The following GPC6 variants were observed in gnomAD, a reference collection of about 807,000 sequenced individuals.
GPC6 encodes glypican-6.
GPC6 carries 14 observed loss-of-function variants against 55.2 expected under a neutral mutation model. The ratio of observed to expected loss-of-function variants is 0.25; its 90% CI spans 0.17 to 0.40. The LOEUF (loss-of-function observed/expected upper bound fraction) is 0.40, where lower values mean the gene tolerates loss of function less well. GPC6 is among the 10% of genes least tolerant of loss of function. GPC6 has a pLI of 1.00. For missense variants in GPC6, 641 were observed against 708.5 expected (o/e 0.90, Z 1.08); for synonymous variants, 278 against 259.6 (o/e 1.07, Z -0.68).
At chr13:93,336,512 T>C (rs963729049) in intron 1 of GPC6, among the ~76,000 whole-genome samples, 1 of 152,170 alleles carries the variant, frequency 6.6e-6, no homozygotes, top group African/African-American at 2.4e-5. Flanking sequence ...GCAGGGTGCT[T>C]TTATCCATTC....
At position 93,819,263 on chromosome 13, in the gene GPC6, A is replaced by G. The variant is rs574996037; in HGVS notation, c.320-10891A>G. On this transcript the variant is annotated intron_variant, in intron 2 of 8. Transcript: ENST00000377047. ...AAAACTAGCTTTGGGTCCACATCCC[A>G]GATTTGATCCTTGGTGGTTTGTTCT... Among the ~76,000 whole-genome samples the G allele has an allele frequency of 7.9e-5, 12 of 152,300 alleles. No homozygotes were observed. In the South Asian group the frequency reaches 2.5e-3, roughly 32 times the overall value.
intron 4 of GPC6, among the ~76,000 whole-genome samples, chr13:94,207,199 C>G (rs912759448): frequency 2.6e-5 from 4 of 152,138 alleles, no homozygotes; most frequent in African/African-American, 9.7e-5. Flanking sequence ...GTGGCCCTGT[C>G]TGAGATACCT....
chr13:93,492,391 A>G (rs1430559501), intron 1 of GPC6, among the ~76,000 whole-genome samples: 5 of 147,358 alleles, frequency 3.4e-5, no homozygotes, highest in East Asian at 4.0e-4. Flanking sequence ...GACTTTGCTG[A>G]AGTTGCTTAT....
chr13:93,780,948 T>G (rs1885623283), intron 2 of GPC6, among the ~76,000 whole-genome samples: 1 of 152,160 alleles, frequency 6.6e-6, no homozygotes, highest in African/African-American at 2.4e-5. Flanking sequence ...ATAAAATGTT[T>G]AAGCCCCTAT....
intron 2 of GPC6, among the ~76,000 whole-genome samples, chr13:93,763,949 G>T (rs980160386): frequency 1.3e-5 from 2 of 151,908 alleles, no homozygotes; most frequent in Non-Finnish European, 2.9e-5. Flanking sequence ...AGGAAACACT[G>T]TCTATACCCT....
chr13:94,402,058 G>A (rs1435158863), intron 8 of GPC6, among the ~76,000 whole-genome samples: 1 of 152,182 alleles, frequency 6.6e-6, no homozygotes, highest in Admixed American at 6.5e-5. Flanking sequence ...GCAAGCAGCA[G>A]GTCATAGTTT....
intron 1 of GPC6, chr13:93,450,777 T>C (rs1417998407): frequency 1.2e-6 from 1 of 800,756 alleles, no homozygotes; most frequent in Non-Finnish European, 1.5e-6. Flanking sequence ...AATAGTTTAT[T>C]TATGAAAGAT....
intron 3 of GPC6, among the ~76,000 whole-genome samples, chr13:93,875,187 G>T (rs1889252473): frequency 6.6e-6 from 1 of 151,760 alleles, no homozygotes; most frequent in Admixed American, 6.6e-5. Context: ...TTGCATATGG[G>T]GCCTCAATTT....
intron 2 of GPC6, among the ~76,000 whole-genome samples, chr13:93,627,879 C>G (rs752450932): frequency 3.6e-4 from 55 of 152,260 alleles, no homozygotes; most frequent in Non-Finnish European, 6.8e-4. Context: ...AAAAGACATA[C>G]TTTTATTAGA....
chr13:93,456,280 G>A (rs1176367486), intron 1 of GPC6, among the ~76,000 whole-genome samples: 1 of 152,110 alleles, frequency 6.6e-6, no homozygotes, highest in Non-Finnish European at 1.5e-5. Context: ...CTCCGAGAAA[G>A]TTGAATGAAC....
At chr13:94,085,321 C>CAAAAAA (rs33967804) in intron 4 of GPC6, among the ~76,000 whole-genome samples, 59 of 87,020 alleles carry the variant, frequency 6.8e-4, no homozygotes, top group East Asian at 2.0e-3. Context: ...GATTCTGTCT[C>CAAAAAA]AAAAAAAAAA....
intron 1 of GPC6, among the ~76,000 whole-genome samples, chr13:93,426,065 T>C (rs1007167256): frequency 2.0e-5 from 3 of 152,206 alleles, no homozygotes; most frequent in Non-Finnish European, 4.4e-5. Flanking sequence ...GAGCCCATTG[T>C]ACTGATATAT....
At chr13:93,250,464 G>T (rs1156442337) in intron 1 of GPC6, among the ~76,000 whole-genome samples, 1 of 152,124 alleles carries the variant, frequency 6.6e-6, no homozygotes, top group Non-Finnish European at 1.5e-5. Context: ...CCCTCACATT[G>T]GCCTTTCTGG....
chr13:93,262,008 G>A (rs181456550), intron 1 of GPC6, among the ~76,000 whole-genome samples: 4 of 151,892 alleles, frequency 2.6e-5, no homozygotes, highest in Non-Finnish European at 1.5e-5. Context: ...AGTCATTTAT[G>A]AGAGTGCTGA....
At chr13:93,285,642 G>GTGTA (rs1566279933) in intron 1 of GPC6, among the ~76,000 whole-genome samples, 2 of 150,796 alleles carry the variant, frequency 1.3e-5, no homozygotes, top group African/African-American at 2.4e-5. Flanking sequence ...GTGTGTGTGT[G>GTGTA]TGTGTGTGTG....
chr13:94,327,638 T>C (rs534656610), intron 6 of GPC6, among the ~76,000 whole-genome samples: 51 of 152,326 alleles, frequency 3.3e-4, no homozygotes, highest in Non-Finnish European at 6.3e-4. Context: ...GTTTCACTTT[T>C]ACAGTAACAC....
intron 4 of GPC6, among the ~76,000 whole-genome samples, chr13:94,063,273 G>A (rs1045896777): frequency 6.6e-6 from 1 of 152,200 alleles, no homozygotes; most frequent in Non-Finnish European, 1.5e-5. Flanking sequence ...GCCTGAGGAA[G>A]TAGATTTTGC....
intron 1 of GPC6, among the ~76,000 whole-genome samples, chr13:93,466,070 A>T (rs183357931): frequency 6.1e-4 from 93 of 152,310 alleles, no homozygotes; most frequent in African/African-American, 2.1e-3. Context: ...AGATCACCAT[A>T]ACAAATACAG....
chr13:94,227,981 T>C (rs958763279), intron 4 of GPC6, among the ~76,000 whole-genome samples: 16 of 152,170 alleles, frequency 1.1e-4, no homozygotes, highest in African/African-American at 3.9e-4. Context: ...TCCAACAACA[T>C]GCCTGCAAGT....
Sources: allele counts gnomAD v4.1 joint callset (sites outside exome capture counted in the v4.1 genomes callset), GRCh38; gene constraint gnomAD v4.1.1; transcripts MANE v1.5; gene names NCBI Gene and HGNC (gene_info 2026-07-23, HGNC 2026-07-21).